The following COL10A1 variants were observed in gnomAD, a reference collection of about 807,000 sequenced individuals.
The protein encoded by COL10A1 is collagen alpha-1(X) chain.
A neutral mutation model predicts 18.2 loss-of-function variants in COL10A1; 10 were observed. That is an observed-to-expected ratio of 0.55 (90% CI 0.34 to 0.93). The LOEUF (loss-of-function observed/expected upper bound fraction) is 0.93, where lower values mean the gene tolerates loss of function less well. COL10A1 is among the 40% of genes least tolerant of loss of function. The probability of loss-of-function intolerance (pLI) is 0.02; values close to 1 mark genes in which losing one functional copy is unlikely to be tolerated. For missense variants in COL10A1, 897 were observed against 853.5 expected (o/e 1.05, Z -0.64); for synonymous variants, 330 against 316.6 (o/e 1.04, Z -0.45).
chr6:116,135,411 GC>G lies in COL10A1; in HGVS notation c.-15-9905del, dbSNP rs200573830. 1.3e-4 allele frequency among the ~76,000 whole-genome samples: 20 copies of G among 150,166 alleles called. No homozygotes were observed. The East Asian group carries it at 1.6e-3, about 12-fold the overall frequency. On this transcript the variant is annotated intron_variant, in intron 1 of 1. Coordinates refer to the COL10A1 transcript ENST00000418500. ...TTTTTTTTCTGTAGCATCCATAACC[GC>G]CCCCCCCACCTTTTTATTTAACAAC...
chr6:116,149,019 A>G (rs1027979028), intron 1 of COL10A1, among the ~76,000 whole-genome samples: 8 of 152,112 alleles, frequency 5.3e-5, no homozygotes, highest in Admixed American at 5.2e-4. Context: ...ACTTTCCTTG[A>G]TGTTTGGATT....
intron 1 of COL10A1, among the ~76,000 whole-genome samples, chr6:116,143,826 T>C (rs1419294253): frequency 2.0e-5 from 3 of 152,188 alleles, no homozygotes; most frequent in African/African-American, 7.2e-5. Context: ...AAATTAGGAC[T>C]GTCATTTATT....
the COL10A1 span, among the ~76,000 whole-genome samples, chr6:116,181,716 G>T: frequency 9.9e-5 from 15 of 151,632 alleles, no homozygotes; most frequent in East Asian, 2.9e-3. Flanking sequence ...CAAGCTTTCT[G>T]TGCAAAAAAA....
intron 1 of COL10A1, among the ~76,000 whole-genome samples, chr6:116,149,410 A>G (rs1456780296): frequency 6.6e-6 from 1 of 152,186 alleles, no homozygotes; most frequent in African/African-American, 2.4e-5. Context: ...CTGGCTCTGC[A>G]TTTTTAGGAT....
At chr6:116,159,991 AC>A (rs1780290385), upstream of COL10A1, among the ~76,000 whole-genome samples, 1 of 152,184 alleles carries the variant, frequency 6.6e-6, no homozygotes, top group Admixed American at 6.5e-5. Flanking sequence ...TATACATACC[AC>A]ATTTTTTTTA....
chr6:116,168,295 T>A, the COL10A1 span, among the ~76,000 whole-genome samples: 1 of 152,082 alleles, frequency 6.6e-6, no homozygotes, highest in East Asian at 1.9e-4. Context: ...TCTTTTCTTG[T>A]CTGCCTTTTG....
chr6:116,157,430 G>C (rs1340355448), intron 1 of COL10A1, among the ~76,000 whole-genome samples: 1 of 152,142 alleles, frequency 6.6e-6, no homozygotes, highest in Non-Finnish European at 1.5e-5. Flanking sequence ...TATGGGGACA[G>C]GTTCAAAGAG....
Position 116,125,415 on chromosome 6 carries a change from T to A in COL10A1, c.78A>T (p.Gln26His), listed in dbSNP as rs1294078229. The A allele has an allele frequency of 3.1e-6, 5 of 1,613,766 alleles. No homozygotes were observed. In the African/African-American group the frequency reaches 4.0e-5, roughly 13 times the overall value. The change falls in exon 2 of 3, where the codon CAA (glutamine) becomes CAT (histidine). Residue 26 changes from glutamine (Q) to histidine (H), a missense_variant. Gln to His is a conservative substitution (Grantham distance 24, BLOSUM62 0). Coordinates refer to ENST00000651968, the MANE Select transcript of COL10A1 (RefSeq NM_000493.4). ...VHGVFYAERY[Q>H]MPTGIKGPLP... ...GTGGGCCTTTTATGCCTGTGGGCATTTGGTATCGTTCAGCGTAAAACACTC... is the reference window on the plus strand; with the variant it reads ...GTGGGCCTTTTATGCCTGTGGGCATATGGTATCGTTCAGCGTAAAACACTC...
At position 116,120,240 on chromosome 6, in the gene COL10A1, C is replaced by T. The variant is rs769437062; in HGVS notation, c.1876G>A (p.Asp626Asn). The change falls in exon 3 of 3, where the codon GAT becomes AAT. Residue 626 changes from aspartate to asparagine, a missense_variant. Transcript: ENST00000651968. The stretch of plus-strand genomic sequence containing the variant: ...TCCAGGTAGCCTTTGGTGTATTCAT[C>T]ATAGGTGTACATTACAGGGGTGCCA... ...KNGTPVMYTY[D>N]EYTKGYLDQA... 7.4e-6 allele frequency: 12 copies of T among 1,614,192 alleles called. No individual in the cohort carries two copies. The highest frequency in any genetic ancestry group is 9.3e-6 in the Non-Finnish European group (11 of 1,180,032).
intron 1 of COL10A1, among the ~76,000 whole-genome samples, chr6:116,157,730 T>C (rs1255793212): frequency 6.6e-6 from 1 of 152,116 alleles, no homozygotes; most frequent in Non-Finnish European, 1.5e-5. Context: ...GTTGAAATGG[T>C]GAGAGTGGGT....
At chr6:116,147,214 G>T (rs1421068243) in intron 1 of COL10A1, among the ~76,000 whole-genome samples, 1 of 151,898 alleles carries the variant, frequency 6.6e-6, no homozygotes, top group Non-Finnish European at 1.5e-5. Flanking sequence ...GCCACGGTGG[G>T]CAGATCACCT....
chr6:116,120,972 G>A lies in COL10A1; in HGVS notation c.1144C>T (p.Pro382Ser), dbSNP rs1247147548. ...TACCCTGGTTTTCCATCTGACCCAGGGGAACCCCTTTCACCCTTAGCCCCA... is the reference window on the plus strand; with the variant it reads ...TACCCTGGTTTTCCATCTGACCCAGAGGAACCCCTTTCACCCTTAGCCCCA... ...YPGAKGERGS[P>S]GSDGKPGYPG... Residue 382 changes from proline to serine, a missense_variant, in exon 3 of 3, where the codon CCT (proline) becomes TCT (serine). Coordinates refer to ENST00000651968, the MANE Select transcript of COL10A1 (RefSeq NM_000493.4). 1.8e-5 allele frequency: 29 copies of A among 1,613,772 alleles called. No individual in the cohort carries two copies. The Admixed American group carries it at 3.3e-4, about 19-fold the overall frequency.
chr6:116,163,529 T>C (rs1451998110), upstream of COL10A1, among the ~76,000 whole-genome samples: 1 of 152,110 alleles, frequency 6.6e-6, no homozygotes, highest in Non-Finnish European at 1.5e-5. Context: ...TTTAATCTAG[T>C]TAGTAGTCTA....
the COL10A1 span, among the ~76,000 whole-genome samples, chr6:116,178,297 A>G: frequency 1.3e-5 from 2 of 152,148 alleles, no homozygotes; most frequent in Non-Finnish European, 2.9e-5. Flanking sequence ...TTCTGAGATC[A>G]GGTGACATTG....
chr6:116,210,037 G>A, the COL10A1 span, among the ~76,000 whole-genome samples: 1 of 151,976 alleles, frequency 6.6e-6, no homozygotes, highest in Non-Finnish European at 1.5e-5. Flanking sequence ...AGCAAAATAT[G>A]TGGTGGCTAC....
Position 116,119,916 on chromosome 6 carries a change from T to C in COL10A1, c.*157A>G, listed in dbSNP as rs117424376. The C allele has an allele frequency of 1.6e-3, 1,164 of 723,130 alleles. 15 individuals are homozygous for C. In the East Asian group the frequency reaches 0.028, roughly 18 times the overall value. The allele number at this position is 723,130 out of a possible 1,614,324, so 44.8% of individuals were successfully genotyped here. The stretch of plus-strand genomic sequence containing the variant: ...TACGTTTTTACGTTGCTGCTCACTT[T>C]TCAGGGGGAAGGTTTGTTGGTCTGA... On this transcript the variant is annotated 3_prime_UTR_variant, in exon 3 of 3. Coordinates refer to ENST00000651968, the MANE Select transcript of COL10A1 (RefSeq NM_000493.4).
Position 116,120,820 on chromosome 6 carries a change from C to T in COL10A1, c.1296G>A (p.Met432Ile). 6.2e-7 allele frequency: 1 copy of T among 1,613,938 alleles called. No individual in the cohort carries two copies. Among genetic ancestry groups the T allele is most frequent in the Non-Finnish European group, 8.5e-7 (1 of 1,179,964 alleles). Residue 432 changes from methionine (M) to isoleucine (I), a missense_variant, in exon 3 of 3, where the codon ATG (methionine) becomes ATA (isoleucine). By Grantham distance (10) the Met-to-Ile change is conservative. Coordinates refer to ENST00000651968, the MANE Select transcript of COL10A1 (RefSeq NM_000493.4). ...GGCCAGCCTCTCCATTGTGTCCGGG[C>T]ATTCCCTTTGCTCCTGCTGGGCCCA... The part of the protein sequence containing the change: ...GPVGPAGAKG[M>I]PGHNGEAGPR...
At chr6:116,205,438 C>G in the COL10A1 span, among the ~76,000 whole-genome samples, 3 of 150,594 alleles carry the variant, frequency 2.0e-5, no homozygotes, top group Non-Finnish European at 4.4e-5. Context: ...TAACATTTAA[C>G]CTTAGAAAGA....
the COL10A1 span, among the ~76,000 whole-genome samples, chr6:116,214,395 TA>T: frequency 6.6e-6 from 1 of 152,186 alleles, no homozygotes; most frequent in African/African-American, 2.4e-5. Flanking sequence ...TTTTATCAGA[TA>T]ACGTTAAATA....
Sources: allele counts gnomAD v4.1 joint callset (sites outside exome capture counted in the v4.1 genomes callset), GRCh38; gene constraint gnomAD v4.1.1; transcripts MANE v1.5; gene names NCBI Gene and HGNC (gene_info 2026-07-23, HGNC 2026-07-21).